The following USP25 variants were observed in gnomAD, a reference collection of about 807,000 sequenced individuals.
USP25 encodes the protein ubiquitin carboxyl-terminal hydrolase 25.
USP25 carries 85 observed loss-of-function variants against 158.5 expected under a neutral mutation model. The observed-to-expected ratio is 0.54, with a 90% CI of 0.45 to 0.64. The LOEUF is 0.64. Ranked by LOEUF, USP25 falls within the 30% of genes least tolerant of loss-of-function variation. USP25 has a pLI of 0.00. For missense variants in USP25, 1,242 were observed against 1,327.3 expected (o/e 0.94, Z 1.00); for synonymous variants, 464 against 460.4 (o/e 1.01, Z -0.10).
chr21:15,732,914 C>CT (rs1196129668), intron 1 of USP25, among the ~76,000 whole-genome samples: 1 of 152,018 alleles, frequency 6.6e-6, no homozygotes, highest in Non-Finnish European at 1.5e-5. Context: ...AACCCAGGGA[C>CT]TTATGAGATG....
At chr21:15,824,555 T>G (rs542166619) in intron 11 of USP25, among the ~76,000 whole-genome samples, 1 of 152,208 alleles carries the variant, frequency 6.6e-6, no homozygotes, top group East Asian at 1.9e-4. Flanking sequence ...TCTGTCTTCC[T>G]GTTTTCCTGT....
intron 3 of USP25, among the ~76,000 whole-genome samples, chr21:15,769,089 G>A (rs2034203720): frequency 6.6e-6 from 1 of 151,898 alleles, no homozygotes; most frequent in African/African-American, 2.4e-5. Flanking sequence ...AATATCACAT[G>A]GAAGTTATAT....
At chr21:15,731,134 C>T (rs1443143698) in intron 1 of USP25, among the ~76,000 whole-genome samples, 1 of 152,002 alleles carries the variant, frequency 6.6e-6, no homozygotes, top group Admixed American at 6.6e-5. Flanking sequence ...CAAATGGTCA[C>T]TCACTAAAGA....
At position 15,769,168 on chromosome 21, in the gene USP25, C is replaced by G. The variant is rs73183708; in HGVS notation, c.268+3027C>G. The stretch of plus-strand genomic sequence containing the variant: ...TCAGAGGCTAAACTATATTATGTCA[C>G]TGGATTTGAAAAACAATTTGTGAGC... On this transcript the variant is annotated intron_variant, in intron 3 of 25. Transcript: ENST00000400183. Among the ~76,000 whole-genome samples, 918 of 152,054 alleles carry G rather than the reference C, an allele frequency of 6.0e-3. 1 individual carries two copies. Among genetic ancestry groups the G allele is most frequent in the Middle Eastern group, 0.02 (6 of 294 alleles).
intron 18 of USP25, among the ~76,000 whole-genome samples, chr21:15,844,186 C>T (rs376924524): frequency 2.0e-4 from 30 of 152,200 alleles, no homozygotes; most frequent in African/African-American, 5.8e-4. Flanking sequence ...ATTCATTAAC[C>T]GTGGCTTGAT....
Position 15,833,485 on chromosome 21 carries a change from G to A in USP25, c.2131G>A (p.Ala711Thr). ...ATGGGATGCACAACTTGCCCAGAAAGCTTTGCAGGAAAAGCTTTTAGCGTC... is the reference window on the plus strand; with the variant it reads ...ATGGGATGCACAACTTGCCCAGAAAACTTTGCAGGAAAAGCTTTTAGCGTC... ...EEWDAQLAQKALQEKLLASQK... is the reference protein window; with the variant it reads ...EEWDAQLAQKTLQEKLLASQK... The change falls in exon 17 of 26, where the codon GCT becomes ACT. Residue 711 changes from alanine to threonine, a missense_variant. Ala to Thr is a moderately conservative substitution (Grantham distance 58). Coordinates refer to ENST00000400183, the MANE Select transcript of USP25 (RefSeq NM_001283041.3). 1 of 1,614,058 alleles carries A rather than the reference G, an allele frequency of 6.2e-7. No homozygotes were observed. Among genetic ancestry groups the A allele is most frequent in the Non-Finnish European group, 8.5e-7 (1 of 1,179,962 alleles).
intron 3 of USP25, among the ~76,000 whole-genome samples, 181 bp from the exon 4 acceptor site, chr21:15,777,723 G>A (rs1180970806): frequency 1.3e-5 from 2 of 152,058 alleles, no homozygotes; most frequent in Non-Finnish European, 2.9e-5. Flanking sequence ...AAAAATCATT[G>A]AGTTACTGAG....
chr21:15,873,276 A>G (rs1238251646), intron 23 of USP25, among the ~76,000 whole-genome samples: 2 of 149,310 alleles, frequency 1.3e-5, no homozygotes, highest in Non-Finnish European at 3.0e-5. Context: ...ATGCCCAGCT[A>G]ATTTTTTTTT....
At chr21:15,863,582 C>T (rs1188461504) in intron 20 of USP25, among the ~76,000 whole-genome samples, 2 of 152,252 alleles carry the variant, frequency 1.3e-5, no homozygotes, top group South Asian at 2.1e-4. Context: ...AAAGGTAAAA[C>T]AGAACGGGAA....
At position 15,826,506 on chromosome 21, in the gene USP25, C is replaced by CATACAGTCT; in HGVS notation, c.1466+141_1466+142insATACAGTCT. ...CCTAAGAGTAGATTCACTTAGAAGACTGTATGTCCTCTGGGAGTTTTTTTA... is the reference window on the plus strand; with the variant it reads ...CCTAAGAGTAGATTCACTTAGAAGACATACAGTCTTGTATGTCCTCTGGGAGTTTTTTTA... On this transcript the variant is annotated intron_variant, in intron 13 of 25. Coordinates refer to ENST00000400183, the MANE Select transcript of USP25 (RefSeq NM_001283041.3). This position sits in a 1 kb window ranked among gnomAD's most constrained non-coding sequence, Gnocchi z 4.8. 8 of 929,904 alleles carry CATACAGTCT rather than the reference C, an allele frequency of 8.6e-6. No individual in the cohort carries two copies. Among genetic ancestry groups the CATACAGTCT allele is most frequent in the Non-Finnish European group, 1.3e-5 (8 of 633,282 alleles). The allele number at this position is 929,904 out of a possible 1,614,324, so 57.6% of individuals were successfully genotyped here. A position where few individuals can be genotyped will look rare whatever the true frequency, so the allele number is the denominator to read the frequency against.
intron 4 of USP25, among the ~76,000 whole-genome samples, chr21:15,789,504 A>G (rs993369290): frequency 2.0e-5 from 3 of 152,112 alleles, no homozygotes; most frequent in African/African-American, 7.2e-5. Flanking sequence ...AGATGTTCAT[A>G]TGCTATAGAT....
intron 6 of USP25, among the ~76,000 whole-genome samples, chr21:15,801,638 G>A (rs2036140609): frequency 6.6e-6 from 1 of 151,516 alleles, no homozygotes; most frequent in South Asian, 2.1e-4. Context: ...TAAAAAAGGC[G>A]TGAGTGTAAC....
intron 1 of USP25, among the ~76,000 whole-genome samples, chr21:15,752,265 G>A (rs1258430823): frequency 6.6e-6 from 1 of 150,740 alleles, no homozygotes; most frequent in East Asian, 2.0e-4. Context: ...GCCCAGGCTG[G>A]AGTGCAGTGG....
rs139224042 is a variant in USP25 at position 15,755,668 on chromosome 21, G to A, written c.46-7223G>A. Among the ~76,000 whole-genome samples, 99 of 152,274 alleles carry A rather than the reference G, an allele frequency of 6.5e-4. No homozygotes were observed. The East Asian group carries it at 0.018, about 28-fold the overall frequency. ...GTATATATTGGAAACATTGGAAACA[G>A]TCTGGTATAGGGAAGTTTAAACCTT... is the stretch of plus-strand genomic sequence containing the variant. On this transcript the variant is annotated intron_variant, in intron 1 of 25. Transcript: ENST00000400183.
At chr21:15,858,056 G>A (rs1267208523) in intron 20 of USP25, among the ~76,000 whole-genome samples, 2 of 151,904 alleles carry the variant, frequency 1.3e-5, no homozygotes, top group Non-Finnish European at 2.9e-5. Context: ...CTAGTTTTCT[G>A]TTTTTGGACA....
chr21:15,752,662 A>G (rs1055232047), intron 1 of USP25, among the ~76,000 whole-genome samples: 10 of 152,184 alleles, frequency 6.6e-5, no homozygotes, highest in African/African-American at 1.9e-4. Flanking sequence ...TTTGCTAGCT[A>G]TTTCTCATAA....
At chr21:15,750,035 G>T (rs1382144901) in intron 1 of USP25, among the ~76,000 whole-genome samples, 1 of 151,924 alleles carries the variant, frequency 6.6e-6, no homozygotes, top group Non-Finnish European at 1.5e-5. Context: ...TCCACTTCAG[G>T]GTGGGTACTC....
chr21:15,813,444 C>T (rs766175812), intron 9 of USP25, among the ~76,000 whole-genome samples: 1 of 152,192 alleles, frequency 6.6e-6, no homozygotes, highest in Admixed American at 6.5e-5. Flanking sequence ...GCCTCAGGCT[C>T]CATAACCTAG....
At chr21:15,774,258 CTG>C (rs1247332694) in intron 3 of USP25, among the ~76,000 whole-genome samples, 1 of 152,108 alleles carries the variant, frequency 6.6e-6, no homozygotes, top group Admixed American at 6.6e-5. Flanking sequence ...GTTTGTAACA[CTG>C]TGCATTGGTA....
Sources: allele counts gnomAD v4.1 joint callset (sites outside exome capture counted in the v4.1 genomes callset), GRCh38; gene constraint gnomAD v4.1.1; non-coding constraint Gnocchi (gnomAD v3.1); transcripts MANE v1.5; gene names NCBI Gene and HGNC (gene_info 2026-07-23, HGNC 2026-07-21).